Variants in CREB5 observed in about 807,000 individuals in gnomAD.
CREB5 encodes cAMP responsive element binding protein 5, also known as cyclic AMP-responsive element-binding protein 5.
A neutral mutation model predicts 57.1 loss-of-function variants in CREB5; 19 were observed. The ratio of observed to expected loss-of-function variants is 0.33; its 90% CI spans 0.23 to 0.49. The LOEUF is 0.49. Ranked by LOEUF, CREB5 falls within the 20% of genes least tolerant of loss-of-function variation. The probability of loss-of-function intolerance (pLI) is 0.99; values close to 1 mark genes in which losing one functional copy is unlikely to be tolerated. For synonymous variants in CREB5, 238 were observed against 238.3 expected (o/e 1.00, Z 0.01); for missense variants, 579 against 671.6 (o/e 0.86, Z 1.52).
chr7:28,545,584 C>T (rs1794382654), intron 4 of CREB5, among the ~76,000 whole-genome samples: 1 of 152,192 alleles, frequency 6.6e-6, no homozygotes, highest in South Asian at 2.1e-4. Context: ...CCTACCGCTT[C>T]TTTAAGAAAC....
At chr7:28,779,089 C>A (rs555903745) in intron 7 of CREB5, 1 of 152,272 alleles carries the variant, frequency 6.6e-6, no homozygotes, top group South Asian at 2.1e-4. Flanking sequence ...AAATGTAAAT[C>A]ACACAGAGAC....
At chr7:28,444,037 T>A (rs1376053412) in intron 1 of CREB5, among the ~76,000 whole-genome samples, 2 of 152,218 alleles carry the variant, frequency 1.3e-5, no homozygotes, top group Non-Finnish European at 2.9e-5. Context: ...ATGGAAAACT[T>A]AGTTTTGTAA....
intron 1 of CREB5, among the ~76,000 whole-genome samples, chr7:28,333,715 A>G (rs550744345): frequency 6.6e-6 from 1 of 152,282 alleles, no homozygotes; most frequent in South Asian, 2.1e-4. Flanking sequence ...GTTGTTGCAA[A>G]TGGTAGGATC....
At chr7:28,483,645 A>G (rs1310688266) in intron 1 of CREB5, among the ~76,000 whole-genome samples, 2 of 152,136 alleles carry the variant, frequency 1.3e-5, no homozygotes, top group African/African-American at 4.8e-5. Context: ...GACTACTCAG[A>G]GTCTTTCAAA....
chr7:28,819,207 C>T lies in CREB5; in HGVS notation c.1455C>T (p.Val485=). Residue 485 remains valine, a synonymous_variant, in exon 11 of 11, where the codon GTC becomes GTT. Transcript: ENST00000357727. ...ATACCATCACTACTTCCTCATCGGT[C>T]AGCGAGGTGGTAGGAAGCTCCACCC... ...QHNTITTSSS[V]SEVVGSSTLS... is the part of the protein sequence containing the mutation. 1 of 1,613,948 alleles carries T rather than the reference C, an allele frequency of 6.2e-7. No homozygotes were observed. Among genetic ancestry groups the T allele is most frequent in the East Asian group, 2.2e-5 (1 of 44,876 alleles).
At chr7:28,316,097 A>G (rs1463672366) in intron 1 of CREB5, among the ~76,000 whole-genome samples, 3 of 152,186 alleles carry the variant, frequency 2.0e-5, no homozygotes, top group Non-Finnish European at 1.5e-5. Flanking sequence ...GGAAATGTGC[A>G]TTGCCGAGGA....
intron 1 of CREB5, among the ~76,000 whole-genome samples, chr7:28,425,148 A>G (rs528301244): frequency 5.2e-4 from 79 of 152,302 alleles, no homozygotes; most frequent in Middle Eastern, 3.4e-3. Flanking sequence ...GTCCAACATC[A>G]CTACCTATCA....
chr7:28,325,550 A>G (rs183742914), intron 1 of CREB5, among the ~76,000 whole-genome samples: 4 of 152,228 alleles, frequency 2.6e-5, no homozygotes, highest in Non-Finnish European at 5.9e-5. Context: ...TGCACTGGTT[A>G]TGCCCTACCT....
intron 1 of CREB5, among the ~76,000 whole-genome samples, chr7:28,377,773 CA>C (rs899688105): frequency 5.4e-5 from 8 of 149,426 alleles, no homozygotes; most frequent in African/African-American, 1.2e-4. Flanking sequence ...ACTAAAAATA[CA>C]AAAAAAAATT....
intron 5 of CREB5, among the ~76,000 whole-genome samples, chr7:28,594,206 T>C (rs1796621395): frequency 1.3e-5 from 2 of 152,218 alleles, no homozygotes; most frequent in African/African-American, 4.8e-5. Flanking sequence ...TTGTGAACCA[T>C]ATGTAAAAAG....
chr7:28,472,448 C>T (rs1281343868), intron 1 of CREB5, among the ~76,000 whole-genome samples: 1 of 152,068 alleles, frequency 6.6e-6, no homozygotes, highest in African/African-American at 2.4e-5. Flanking sequence ...GTTAAGTTAC[C>T]ACTCCAAGGT....
At chr7:28,606,326 A>C (rs1797129336) in intron 5 of CREB5, among the ~76,000 whole-genome samples, 1 of 152,240 alleles carries the variant, frequency 6.6e-6, no homozygotes. Context: ...CTTTACAAAA[A>C]TTTATTTACA....
At chr7:28,472,400 T>C (rs895316801) in intron 1 of CREB5, among the ~76,000 whole-genome samples, 1 of 152,226 alleles carries the variant, frequency 6.6e-6, no homozygotes, top group Non-Finnish European at 1.5e-5. Context: ...GACATAGGTA[T>C]TATCTCTATT....
At chr7:28,396,086 A>C (rs913560656) in intron 1 of CREB5, among the ~76,000 whole-genome samples, 35 of 152,238 alleles carry the variant, frequency 2.3e-4, no homozygotes, top group African/African-American at 8.2e-4. Context: ...GCAAATGAGC[A>C]TGACGACTGA....
At chr7:28,632,786 C>T (rs1253404063) in intron 5 of CREB5, among the ~76,000 whole-genome samples, 2 of 152,142 alleles carry the variant, frequency 1.3e-5, no homozygotes, top group African/African-American at 4.8e-5. Flanking sequence ...CATGACATCA[C>T]CCTTCATTGT....
intron 7 of CREB5, among the ~76,000 whole-genome samples, chr7:28,773,853 G>T (rs1320544637): frequency 6.6e-6 from 1 of 152,210 alleles, no homozygotes; most frequent in Non-Finnish European, 1.5e-5. Context: ...AAGTTGGCCA[G>T]TAAGAGCCTT....
intron 1 of CREB5, among the ~76,000 whole-genome samples, chr7:28,448,231 G>C (rs1478582058): frequency 6.6e-6 from 1 of 152,208 alleles, no homozygotes; most frequent in Non-Finnish European, 1.5e-5. Context: ...TTGGGACTCA[G>C]ACTGGCTCTC....
At chr7:28,401,415 A>AT (rs927459692) in intron 1 of CREB5, among the ~76,000 whole-genome samples, 6 of 151,374 alleles carry the variant, frequency 4.0e-5, no homozygotes, top group African/African-American at 1.5e-4. Context: ...AATTTTTTTA[A>AT]TTTTTTATTT....
At chr7:28,378,850 G>A (rs543759592) in intron 1 of CREB5, among the ~76,000 whole-genome samples, 3 of 152,214 alleles carry the variant, frequency 2.0e-5, no homozygotes, top group East Asian at 3.9e-4. Flanking sequence ...CTTGTCCAGC[G>A]GATGTCAAAT....
Sources: allele counts gnomAD v4.1 joint callset (sites outside exome capture counted in the v4.1 genomes callset), GRCh38; gene constraint gnomAD v4.1.1; transcripts MANE v1.5; gene names NCBI Gene and HGNC (gene_info 2026-07-23, HGNC 2026-07-21).